CALN1: variants seen among roughly 807,000 people sequenced by gnomAD.
CALN1 encodes the protein calneuron 1.
A neutral mutation model predicts 30.6 loss-of-function variants in CALN1; 17 were observed. That is an observed-to-expected ratio of 0.56 (90% CI 0.38 to 0.83). CALN1 has a LOEUF of 0.83. Among genes scored for constraint, CALN1 ranks in the 40% least tolerant of loss-of-function variants. CALN1 has a pLI of 0.00. For missense variants in CALN1, 291 were observed against 354.9 expected, an observed-to-expected ratio of 0.82 and a Z score of 1.45; for synonymous variants, 156 against 131.4, an observed-to-expected ratio of 1.19 and a Z score of -1.28.
chr7:72,447,810 C>A (rs538762001), upstream of CALN1, among the ~76,000 whole-genome samples: 1 of 151,766 alleles, frequency 6.6e-6, no homozygotes, highest in African/African-American at 2.4e-5. Flanking sequence ...TATGCATACA[C>A]ATTCCTATGT....
At chr7:72,165,276 C>T (rs916635327) in intron 3 of CALN1, among the ~76,000 whole-genome samples, 3 of 152,082 alleles carry the variant, frequency 2.0e-5, no homozygotes, top group Non-Finnish European at 4.4e-5. Context: ...CTAGAAGTGG[C>T]GGCCAGGCAT....
At chr7:71,908,553 G>A (rs1158115907) in intron 5 of CALN1, among the ~76,000 whole-genome samples, 1 of 152,090 alleles carries the variant, frequency 6.6e-6, no homozygotes, top group Non-Finnish European at 1.5e-5. Context: ...AAAGTTCACT[G>A]ATTCACGAGA....
intron 2 of CALN1, among the ~76,000 whole-genome samples, chr7:72,383,741 G>A (rs752338117): frequency 2.0e-5 from 3 of 152,202 alleles, no homozygotes; most frequent in Non-Finnish European, 4.4e-5. Flanking sequence ...TTCCTACCCA[G>A]TAAAGAGAAT....
intron 3 of CALN1, among the ~76,000 whole-genome samples, chr7:72,230,132 C>G (rs911747265): frequency 1.3e-5 from 2 of 151,792 alleles, no homozygotes; most frequent in Non-Finnish European, 2.9e-5. Flanking sequence ...CAGAGCAAGA[C>G]TCCGTCTCAA....
chr7:72,222,249 G>A (rs1178349354), intron 3 of CALN1, among the ~76,000 whole-genome samples: 2 of 151,828 alleles, frequency 1.3e-5, no homozygotes, highest in East Asian at 1.9e-4. Flanking sequence ...AAAAAAGAAA[G>A]AAAGAAAAAA....
Position 71,784,861 on chromosome 7 carries a change from C to T in CALN1, c.*2914G>A. 1 of 398,646 alleles carries T rather than the reference C, an allele frequency of 2.5e-6. No individual in the cohort carries two copies. The highest frequency in any genetic ancestry group is 4.4e-5 in the Admixed American group (1 of 22,722). The allele number at this position is 398,646 out of a possible 1,614,324, so 24.7% of individuals were successfully genotyped here. ...GACCAGGACCTTCTGGAATCTTCAG[C>T]CGTGAGCTTCATAGCCACCATGATG... On this transcript the variant is annotated 3_prime_UTR_variant, in exon 7 of 7. Coordinates refer to ENST00000395275, the MANE Select transcript of CALN1 (RefSeq NM_031468.4).
chr7:72,277,269 C>T (rs143905129), intron 3 of CALN1, among the ~76,000 whole-genome samples: 1 of 152,204 alleles, frequency 6.6e-6, no homozygotes, highest in African/African-American at 2.4e-5. Context: ...GCAGCCTGAA[C>T]AGACCAAGAC....
At chr7:72,088,887 T>C (rs918916165) in intron 4 of CALN1, among the ~76,000 whole-genome samples, 3 of 152,198 alleles carry the variant, frequency 2.0e-5, no homozygotes, top group Admixed American at 6.5e-5. Flanking sequence ...GTGAAAGATA[T>C]TCTCAGATTT....
At chr7:72,212,339 C>T (rs1172636901) in intron 3 of CALN1, among the ~76,000 whole-genome samples, 3 of 113,916 alleles carry the variant, frequency 2.6e-5, no homozygotes, top group African/African-American at 3.5e-5. Flanking sequence ...AACAGAGCAA[C>T]ACACCGTCTC....
intron 5 of CALN1, among the ~76,000 whole-genome samples, chr7:72,023,043 A>T (rs888684184): frequency 2.0e-5 from 3 of 152,150 alleles, no homozygotes; most frequent in African/African-American, 7.2e-5. Flanking sequence ...CAAATTTTTT[A>T]AAATAATGAT....
At chr7:72,104,598 T>C (rs766121388) in intron 4 of CALN1, among the ~76,000 whole-genome samples, 1 of 152,152 alleles carries the variant, frequency 6.6e-6, no homozygotes, top group Non-Finnish European at 1.5e-5. Flanking sequence ...TATGTGTTTA[T>C]GTGTTCTCAT....
At chr7:72,288,200 C>A (rs746404981) in intron 2 of CALN1, among the ~76,000 whole-genome samples, 1 of 152,062 alleles carries the variant, frequency 6.6e-6, no homozygotes, top group African/African-American at 2.4e-5. Flanking sequence ...GGTGCACTCA[C>A]ATAGCTTTGT....
intron 5 of CALN1, among the ~76,000 whole-genome samples, chr7:71,884,080 A>G (rs1464466028): frequency 6.6e-6 from 1 of 151,842 alleles, no homozygotes; most frequent in Non-Finnish European, 1.5e-5. Flanking sequence ...CGCCCAGCTA[A>G]TTTTTTGTAT....
intron 3 of CALN1, among the ~76,000 whole-genome samples, chr7:72,164,366 AAAGAAG>A (rs756452030): frequency 1.8e-4 from 16 of 90,232 alleles, no homozygotes; most frequent in Non-Finnish European, 2.9e-4. Flanking sequence ...AAAAAAAAAA[AAAGAAG>A]AAGAAGAAGA....
intron 3 of CALN1, among the ~76,000 whole-genome samples, chr7:72,229,958 G>C (rs1329520514): frequency 6.6e-6 from 1 of 151,660 alleles, no homozygotes; most frequent in African/African-American, 2.4e-5. Context: ...CTGGCTAACA[G>C]GGTGAAACCC....
chr7:72,143,681 A>G (rs1404495849), intron 3 of CALN1, among the ~76,000 whole-genome samples: 1 of 152,176 alleles, frequency 6.6e-6, no homozygotes, highest in Non-Finnish European at 1.5e-5. Context: ...TGTCAGATTC[A>G]CCAAAGTTGA....
intron 4 of CALN1, among the ~76,000 whole-genome samples, chr7:72,064,534 C>G (rs1363913134): frequency 2.0e-5 from 3 of 152,082 alleles, no homozygotes; most frequent in African/African-American, 7.2e-5. Context: ...TTGTAGCCAG[C>G]AAATCCTGAC....
chr7:71,787,947 GGAGAAGA>G lies in CALN1; in HGVS notation c.659-52_659-46del, dbSNP rs747818488. The G allele has an allele frequency of 7.3e-5, 117 of 1,612,600 alleles. 1 individual carries two copies. In the South Asian group the frequency reaches 8.1e-4, roughly 11 times the overall value. On this transcript the variant is annotated intron_variant, in intron 6 of 6. Transcript: ENST00000395275. ...GTGTGGGAAGAAGGAAGAGGGGTTG[GGAGAAGA>G]GAGAAGAGAGAAATAACACAGTGAG...
intron 2 of CALN1, among the ~76,000 whole-genome samples, chr7:72,357,934 A>C (rs1803337252): frequency 6.6e-6 from 1 of 150,794 alleles, no homozygotes; most frequent in Admixed American, 6.6e-5. Context: ...CCTCCTGAGT[A>C]GCTAGGATTA....
Sources: gnomAD v4.1 joint callset for allele counts (sites outside exome capture counted in the v4.1 genomes callset) on GRCh38, gnomAD v4.1.1 for gene constraint, MANE v1.5 for transcripts, NCBI Gene and HGNC (gene_info 2026-07-23, HGNC 2026-07-21) for gene names.